PTPRM: variants seen among roughly 807,000 people sequenced by gnomAD.
PTPRM encodes receptor-type tyrosine-protein phosphatase mu.
Under a neutral mutation model 186.7 loss-of-function variants are expected in PTPRM, and 47 were observed. The observed-to-expected ratio is 0.25, with a 90% confidence interval of 0.20 to 0.32. The LOEUF is 0.32. Among genes scored for constraint, PTPRM ranks in the 10% least tolerant of loss-of-function variants. PTPRM has a pLI of 1.00. For missense variants in PTPRM, 1,494 were observed against 1,865.0 expected (o/e 0.80, Z 3.66); for synonymous variants, 668 against 674.9 (o/e 0.99, Z 0.16).
At chr18:8,354,459 G>A (rs138396811) in intron 23 of PTPRM, among the ~76,000 whole-genome samples, 35 of 152,258 alleles carry the variant, frequency 2.3e-4, no homozygotes, top group African/African-American at 7.2e-4. Flanking sequence ...AGGGGATAGC[G>A]ACCAGGTCAC....
intron 10 of PTPRM, among the ~76,000 whole-genome samples, chr18:8,086,186 G>A (rs778033843): frequency 5.9e-5 from 9 of 152,114 alleles, no homozygotes; most frequent in Non-Finnish European, 1.3e-4. Flanking sequence ...GAGCAGTACT[G>A]TTGGAAAAAT....
intron 2 of PTPRM, among the ~76,000 whole-genome samples, chr18:7,818,008 A>T (rs2044943085): frequency 6.6e-6 from 1 of 151,782 alleles, no homozygotes; most frequent in African/African-American, 2.4e-5. Context: ...TTAACCTCAC[A>T]CTCCCTGGGT....
intron 3 of PTPRM, among the ~76,000 whole-genome samples, chr18:7,893,690 GCA>G (rs2049194586): frequency 6.6e-6 from 1 of 152,182 alleles, no homozygotes; most frequent in African/African-American, 2.4e-5. Context: ...AGTTAAGGTA[GCA>G]CTTCCTTATT....
chr18:8,111,957 G>A (rs143201378), intron 11 of PTPRM, among the ~76,000 whole-genome samples: 17 of 152,246 alleles, frequency 1.1e-4, no homozygotes, highest in African/African-American at 3.1e-4. Context: ...TTCTTTCACC[G>A]CTGTCAACTG....
intron 14 of PTPRM, among the ~76,000 whole-genome samples, chr18:8,197,148 G>A (rs1002837236): frequency 1.3e-5 from 2 of 152,156 alleles, no homozygotes; most frequent in African/African-American, 2.4e-5. Context: ...GAACAGCAGG[G>A]CATTAAATAA....
chr18:8,082,428 A>G (rs770091149), intron 9 of PTPRM, among the ~76,000 whole-genome samples: 2 of 151,912 alleles, frequency 1.3e-5, no homozygotes, highest in Non-Finnish European at 2.9e-5. Flanking sequence ...TGGGACATGG[A>G]TGGGTACTTT....
chr18:7,794,046 G>A (rs1453000396), intron 2 of PTPRM, among the ~76,000 whole-genome samples: 1 of 152,154 alleles, frequency 6.6e-6, no homozygotes, highest in Non-Finnish European at 1.5e-5. Context: ...TAAGTGGTCC[G>A]ACTCCAGGGG....
At chr18:7,964,161 A>G (rs1188167278) in intron 7 of PTPRM, among the ~76,000 whole-genome samples, 1 of 152,218 alleles carries the variant, frequency 6.6e-6, no homozygotes, top group Non-Finnish European at 1.5e-5. Flanking sequence ...CATTTATACT[A>G]CACTGGGGTC....
At position 8,343,562 on chromosome 18, in the gene PTPRM, CTTAG is replaced by C. The variant is rs564005758; in HGVS notation, c.3054+45_3054+48del. ...CTGCAAATGGCCATTTTGTTCCTTGCTTAGTTGGTAACAGAAAGTAAGGCATGAG... is the reference window on the plus strand; with the variant it reads ...CTGCAAATGGCCATTTTGTTCCTTGCTTGGTAACAGAAAGTAAGGCATGAG... On this transcript the variant is annotated intron_variant, in intron 23 of 32. Coordinates refer to ENST00000580170, the MANE Select transcript of PTPRM (RefSeq NM_001105244.2). The C allele has an allele frequency of 6.1e-4, 966 of 1,579,174 alleles. 3 individuals are homozygous for C. Among genetic ancestry groups the C allele is most frequent in the South Asian group, 2.2e-3 (194 of 89,744 alleles).
At chr18:7,850,801 A>T (rs570569439) in intron 2 of PTPRM, among the ~76,000 whole-genome samples, 1 of 152,222 alleles carries the variant, frequency 6.6e-6, no homozygotes, top group East Asian at 1.9e-4. Flanking sequence ...TTTCTCTACA[A>T]GTTTTTATTT....
chr18:8,296,701 G>C (rs2095100631), intron 20 of PTPRM, among the ~76,000 whole-genome samples: 2 of 152,182 alleles, frequency 1.3e-5, no homozygotes, highest in South Asian at 4.1e-4. Context: ...GTAACGTTAA[G>C]ATGCTGAGAA....
intron 13 of PTPRM, among the ~76,000 whole-genome samples, chr18:8,130,701 A>C (rs1240675654): frequency 6.6e-6 from 1 of 152,104 alleles, no homozygotes; most frequent in African/African-American, 2.4e-5. Flanking sequence ...GCAGTTTTCT[A>C]ACATGTTAGA....
chr18:8,381,881 G>A (rs747420928), intron 29 of PTPRM, among the ~76,000 whole-genome samples: 7 of 152,204 alleles, frequency 4.6e-5, no homozygotes, highest in Non-Finnish European at 1.0e-4. Flanking sequence ...GAAATGTGGA[G>A]ATATTTTTGT....
At chr18:7,935,988 CTTT>C (rs2051780789) in intron 5 of PTPRM, among the ~76,000 whole-genome samples, 2 of 152,220 alleles carry the variant, frequency 1.3e-5, no homozygotes, top group Admixed American at 1.3e-4. Flanking sequence ...CTTCTTTCTT[CTTT>C]TATTATATTC....
At chr18:7,935,261 TA>T (rs2051734718) in intron 5 of PTPRM, among the ~76,000 whole-genome samples, 1 of 152,156 alleles carries the variant, frequency 6.6e-6, no homozygotes, top group Non-Finnish European at 1.5e-5. Context: ...CCATTTGCTC[TA>T]AAAAATTTTG....
At chr18:7,717,406 C>T (rs550123339) in intron 1 of PTPRM, among the ~76,000 whole-genome samples, 4 of 152,256 alleles carry the variant, frequency 2.6e-5, no homozygotes, top group Admixed American at 2.6e-4. Flanking sequence ...GAAAGATTAC[C>T]TACCTGCCCC....
intron 1 of PTPRM, among the ~76,000 whole-genome samples, chr18:7,704,097 G>T (rs183856407): frequency 6.6e-6 from 1 of 152,070 alleles, no homozygotes; most frequent in African/African-American, 2.4e-5. Context: ...GAGGATTTTC[G>T]CATCGACGTT....
At chr18:8,273,603 G>A (rs532899272) in intron 19 of PTPRM, among the ~76,000 whole-genome samples, 6 of 152,254 alleles carry the variant, frequency 3.9e-5, no homozygotes, top group Admixed American at 1.3e-4. Context: ...AACCTTCAGA[G>A]CTTTGTCTAA....
chr18:8,182,676 A>C (rs2146600824), intron 14 of PTPRM, among the ~76,000 whole-genome samples: 1 of 152,320 alleles, frequency 6.6e-6, no homozygotes, highest in Non-Finnish European at 1.5e-5. Flanking sequence ...ATTGCACTCT[A>C]CTCAAAAATA....
Sources: gnomAD v4.1 joint callset for allele counts (sites outside exome capture counted in the v4.1 genomes callset) on GRCh38, gnomAD v4.1.1 for gene constraint, MANE v1.5 for transcripts, NCBI Gene and HGNC (gene_info 2026-07-23, HGNC 2026-07-21) for gene names.